NPAS3: variants seen among roughly 807,000 people sequenced by gnomAD.
NPAS3 encodes the protein neuronal PAS domain protein 3.
Under a neutral mutation model 73.1 loss-of-function variants are expected in NPAS3, and 14 were observed. That is an observed-to-expected ratio of 0.19 (90% confidence interval 0.13 to 0.30). NPAS3 has a LOEUF of 0.30. NPAS3 is among the 10% of genes least tolerant of loss of function. The pLI, the probability that NPAS3 is intolerant of heterozygous loss-of-function variation, is 1.00. For synonymous variants in NPAS3, 620 were observed against 541.5 expected (o/e 1.14, Z -2.01); for missense variants, 1,096 against 1,250.0 (o/e 0.88, Z 1.86).
intron 2 of NPAS3, among the ~76,000 whole-genome samples, chr14:33,079,405 G>A (rs370876690): frequency 4.8e-5 from 7 of 144,380 alleles, no homozygotes; most frequent in Non-Finnish European, 7.4e-5. Context: ...TGCAACCTCC[G>A]CCTCCCGAGT....
At position 33,193,299 on chromosome 14, in the gene NPAS3, A is replaced by G. The variant is rs150145957; in HGVS notation, c.141-21883A>G. ...CAGGCTATTGAGTAAAGGAAAACCA[A>G]CATAGTCAAGAATGCTTTCTGAGTG... On this transcript the variant is annotated intron_variant, in intron 2 of 11. Coordinates refer to ENST00000356141, the Ensembl canonical transcript of NPAS3. Among the ~76,000 whole-genome samples the G allele has an allele frequency of 5.0e-3, 764 of 152,018 alleles. 4 individuals are homozygous for G. The highest frequency in any genetic ancestry group is 0.017 in the African/African-American group (713 of 41,336).
At chr14:33,582,769 A>G (rs1407085550) in intron 5 of NPAS3, among the ~76,000 whole-genome samples, 1 of 152,196 alleles carries the variant, frequency 6.6e-6, no homozygotes, top group Non-Finnish European at 1.5e-5. Context: ...TTTTTAAAAT[A>G]ATTATAGATA....
intron 7 of NPAS3, among the ~76,000 whole-genome samples, chr14:33,736,045 C>T (rs968621231): frequency 1.3e-5 from 2 of 152,128 alleles, no homozygotes; most frequent in Admixed American, 6.6e-5. Flanking sequence ...CTTTGGCAAC[C>T]GGAATCTTAT....
chr14:33,169,289 C>T (rs537346447), intron 2 of NPAS3, among the ~76,000 whole-genome samples: 7 of 152,160 alleles, frequency 4.6e-5, no homozygotes, highest in East Asian at 3.9e-4. Flanking sequence ...CAGAGTGGGC[C>T]GGGCACGATG....
chr14:33,727,972 G>C (rs911034334), intron 6 of NPAS3, among the ~76,000 whole-genome samples: 1 of 152,144 alleles, frequency 6.6e-6, no homozygotes, highest in Non-Finnish European at 1.5e-5. Context: ...TCTCAAAGGC[G>C]ATCTTTACGA....
chr14:33,250,512 G>A (rs1409790105), intron 3 of NPAS3, among the ~76,000 whole-genome samples: 3 of 152,026 alleles, frequency 2.0e-5, no homozygotes, highest in African/African-American at 4.8e-5. Context: ...TAAAGCTTAC[G>A]ATCAGTAATA....
intron 3 of NPAS3, among the ~76,000 whole-genome samples, chr14:33,251,223 C>G (rs1294641377): frequency 1.3e-5 from 2 of 152,086 alleles, no homozygotes; most frequent in African/African-American, 2.4e-5. Context: ...TTTTCCTAGC[C>G]GTTTTCCTTT....
chr14:33,356,428 A>G (rs1324050021), intron 3 of NPAS3, among the ~76,000 whole-genome samples: 15 of 152,232 alleles, frequency 9.9e-5, no homozygotes, highest in Admixed American at 8.5e-4. Context: ...GGGGAGGAGC[A>G]GTGTATAATT....
chr14:33,104,410 A>C (rs2042662693), intron 2 of NPAS3, among the ~76,000 whole-genome samples: 2 of 152,182 alleles, frequency 1.3e-5, no homozygotes, highest in Non-Finnish European at 2.9e-5. Flanking sequence ...AATTCTGAGA[A>C]TCCTCTTCAA....
At chr14:33,388,035 GT>G (rs2046843244) in intron 4 of NPAS3, among the ~76,000 whole-genome samples, 1 of 152,114 alleles carries the variant, frequency 6.6e-6, no homozygotes, top group Non-Finnish European at 1.5e-5. Context: ...TGCCATAGGG[GT>G]GTGACCTTGA....
chr14:33,611,207 A>C (rs2057737591), intron 5 of NPAS3: 1 of 152,212 alleles, frequency 6.6e-6, no homozygotes, highest in South Asian at 2.1e-4. Flanking sequence ...TATTGTAAAA[A>C]ATTAAATCTT....
rs549432241 is a variant in NPAS3, at chr14:33,117,355, C to T, written c.140+61361C>T. On this transcript the variant is annotated intron_variant, in intron 2 of 11. Transcript: ENST00000356141. Reference sequence around the variant, plus strand: ...TTATAGACTTACCTGAAACTGACTGCTGGGAAGCATACCTGAGGACTCTGC... The same window carrying T: ...TTATAGACTTACCTGAAACTGACTGTTGGGAAGCATACCTGAGGACTCTGC... Among the ~76,000 whole-genome samples the T allele has an allele frequency of 1.1e-4, 17 of 152,134 alleles. No individual in the cohort carries two copies. The East Asian group carries it at 3.1e-3, about 28-fold the overall frequency.
At chr14:33,047,941 AAG>A (rs1257452030) in intron 1 of NPAS3, among the ~76,000 whole-genome samples, 1 of 152,204 alleles carries the variant, frequency 6.6e-6, no homozygotes, top group Non-Finnish European at 1.5e-5. Context: ...ATGAACAAAA[AAG>A]GTTTATGAAA....
At chr14:33,230,687 A>G (rs1324229581) in intron 3 of NPAS3, among the ~76,000 whole-genome samples, 3 of 152,240 alleles carry the variant, frequency 2.0e-5, no homozygotes, top group Admixed American at 2.0e-4. Context: ...AGTGAACTGT[A>G]GAATGTTCAC....
At chr14:33,623,328 C>A (rs1051025201) in intron 5 of NPAS3, among the ~76,000 whole-genome samples, 1 of 152,218 alleles carries the variant, frequency 6.6e-6, no homozygotes, top group African/African-American at 2.4e-5. Flanking sequence ...ACTACCACTT[C>A]CCACCCTATT....
intron 6 of NPAS3, chr14:33,680,788 G>A (rs753934939): frequency 9.3e-5 from 57 of 613,142 alleles, no homozygotes; most frequent in Non-Finnish European, 1.5e-4. Context: ...TTAGCAAAAT[G>A]CATGAGGCAG....
At chr14:33,029,259 G>A (rs1465413714) in intron 1 of NPAS3, among the ~76,000 whole-genome samples, 1 of 152,168 alleles carries the variant, frequency 6.6e-6, no homozygotes, top group Non-Finnish European at 1.5e-5. Context: ...GGGGAGCATT[G>A]ACAGTTTAAG....
intron 5 of NPAS3, among the ~76,000 whole-genome samples, chr14:33,571,532 A>G (rs1280870565): frequency 6.6e-6 from 1 of 152,308 alleles, no homozygotes; most frequent in South Asian, 2.1e-4. Context: ...AATTCTGGCA[A>G]TGCTTCAAAG....
chr14:33,390,614 A>G lies in NPAS3; in HGVS notation c.468+23346A>G, dbSNP rs75506039. Among the ~76,000 whole-genome samples the G allele has an allele frequency of 9.9e-4, 151 of 152,302 alleles. 3 individuals are homozygous for G. In the East Asian group the frequency reaches 0.023, roughly 23 times the overall value. On this transcript the variant is annotated intron_variant, in intron 4 of 11. Coordinates refer to ENST00000356141, the Ensembl canonical transcript of NPAS3. ...GTCTAATAGCCAATTTGTAGAGTGTACTGCACCAAGTATATGGACGATGGA... is the reference window on the plus strand; with the variant it reads ...GTCTAATAGCCAATTTGTAGAGTGTGCTGCACCAAGTATATGGACGATGGA...
Sources: allele counts gnomAD v4.1 joint callset (sites outside exome capture counted in the v4.1 genomes callset), GRCh38; gene constraint gnomAD v4.1.1; transcripts MANE v1.5; gene names NCBI Gene and HGNC (gene_info 2026-07-23, HGNC 2026-07-21).